The following PAM variants were observed in gnomAD, a reference collection of about 807,000 sequenced individuals.
PAM encodes the protein peptidyl-glycine alpha-amidating monooxygenase.
Under a neutral mutation model 122.1 loss-of-function variants are expected in PAM, and 72 were observed. That is an observed-to-expected ratio of 0.59 (90% CI 0.49 to 0.72). PAM has a LOEUF of 0.72. Ranked by LOEUF, PAM falls within the 30% of genes least tolerant of loss-of-function variation. PAM has a pLI of 0.00. For missense variants in PAM, 1,106 were observed against 1,183.7 expected, an observed-to-expected ratio of 0.93 and a Z score of 0.96; for synonymous variants, 389 against 404.4, an observed-to-expected ratio of 0.96 and a Z score of 0.46.
chr5:102,851,315 A>T (rs1781312073), intron 1 of PAM, among the ~76,000 whole-genome samples: 2 of 152,190 alleles, frequency 1.3e-5, no homozygotes. Context: ...TTTTAATGGT[A>T]TCTCATTTGG....
At chr5:102,986,874 T>TC (rs1377720376) in intron 15 of PAM, among the ~76,000 whole-genome samples, 1 of 152,198 alleles carries the variant, frequency 6.6e-6, no homozygotes, top group African/African-American at 2.4e-5. Context: ...TGCCAGCATA[T>TC]AAGACATGCC....
intron 3 of PAM, among the ~76,000 whole-genome samples, chr5:102,901,046 A>T (rs978796103): frequency 6.6e-6 from 1 of 151,580 alleles, no homozygotes; most frequent in African/African-American, 2.4e-5. Context: ...CAAATGCATT[A>T]AATTGTTCTA....
intron 1 of PAM, among the ~76,000 whole-genome samples, chr5:102,793,135 T>A (rs936519449): frequency 6.6e-6 from 1 of 152,180 alleles, no homozygotes; most frequent in Non-Finnish European, 1.5e-5. Flanking sequence ...ATGTGTGAAT[T>A]TTTTATAGAA....
At chr5:102,802,973 A>C (rs1765169203) in intron 1 of PAM, among the ~76,000 whole-genome samples, 1 of 152,110 alleles carries the variant, frequency 6.6e-6, no homozygotes, top group Admixed American at 6.5e-5. Context: ...AACATTAAAA[A>C]ATTGCCAGGT....
chr5:103,009,862 G>C lies in PAM; in HGVS notation c.2327G>C (p.Arg776Pro). 1 of 1,546,522 alleles carries C rather than the reference G, an allele frequency of 6.5e-7. No homozygotes were observed. The change falls in exon 21 of 26, where the codon CGC (arginine) becomes CCC (proline). Residue 776 changes from arginine (R) to proline (P), a missense_variant. Arg to Pro is a moderately radical substitution (Grantham distance 103). Transcript: ENST00000438793. ...ATTATAGACATCTTCAAGCCAGTGC[G>C]CAAGGTATTTACACACATTGTCTAG... ...GEIIDIFKPVRKHFDMPHDIV... is the reference protein window; with the variant it reads ...GEIIDIFKPVPKHFDMPHDIV...
At chr5:102,917,283 T>C (rs1027222703) in intron 5 of PAM, among the ~76,000 whole-genome samples, 2 of 152,156 alleles carry the variant, frequency 1.3e-5, no homozygotes, top group African/African-American at 2.4e-5. Context: ...ACAACAAAAA[T>C]CTATCAGTGT....
chr5:102,838,741 C>T (rs957436060), intron 1 of PAM, among the ~76,000 whole-genome samples: 1 of 152,104 alleles, frequency 6.6e-6, no homozygotes, highest in East Asian at 1.9e-4. Context: ...GAGTTAGTTT[C>T]TCTTCATATT....
At chr5:102,791,185 A>T in intron 1 of PAM, among the ~76,000 whole-genome samples, 1 of 152,226 alleles carries the variant, frequency 6.6e-6, no homozygotes, top group East Asian at 1.9e-4. Flanking sequence ...TGATGAAAAT[A>T]CTTTTAGATT....
At chr5:102,824,040 A>G (rs1308386977) in intron 1 of PAM, among the ~76,000 whole-genome samples, 2 of 152,216 alleles carry the variant, frequency 1.3e-5, no homozygotes, top group Non-Finnish European at 2.9e-5. Context: ...AAATGGAAAC[A>G]TGTAAGATGA....
intron 14 of PAM, among the ~76,000 whole-genome samples, chr5:102,969,665 A>G (rs545806579): frequency 6.6e-6 from 1 of 152,358 alleles, no homozygotes; most frequent in East Asian, 1.9e-4. Flanking sequence ...CATCACTAAG[A>G]GAGACACTAT....
rs189579486 is a variant in PAM at position 102,761,817 on chromosome 5, A to C, written c.-374+6469A>C. ...TTTTGAATAGCATGATAATTGTTGCATGTAACTGGAGGCTTCTATAGTGTT... is the reference window on the plus strand; with the variant it reads ...TTTTGAATAGCATGATAATTGTTGCCTGTAACTGGAGGCTTCTATAGTGTT... On this transcript the variant is annotated intron_variant, in intron 1 of 25. Transcript: ENST00000438793. Among the ~76,000 whole-genome samples the C allele has an allele frequency of 1.3e-3, 201 of 152,368 alleles. 2 individuals are homozygous for C. The highest frequency in any genetic ancestry group is 9.1e-3 in the South Asian group (44 of 4,830).
At chr5:102,937,150 A>C (rs987900251) in intron 7 of PAM, among the ~76,000 whole-genome samples, 4 of 152,170 alleles carry the variant, frequency 2.6e-5, no homozygotes, top group African/African-American at 9.7e-5. Flanking sequence ...AAAATTCTTT[A>C]ATAGAAGCCA....
intron 1 of PAM, among the ~76,000 whole-genome samples, chr5:102,856,747 T>C (rs1214656991): frequency 2.0e-5 from 3 of 152,168 alleles, no homozygotes; most frequent in Admixed American, 2.0e-4. Context: ...CTTATTGCAG[T>C]AGAATCATAT....
intron 7 of PAM, among the ~76,000 whole-genome samples, chr5:102,940,958 A>G (rs1167447667): frequency 6.6e-6 from 1 of 152,200 alleles, no homozygotes; most frequent in Admixed American, 6.5e-5. Context: ...TTAGCACTGT[A>G]CTTTAAAAAA....
chr5:102,889,161 C>G (rs765066613), intron 3 of PAM, among the ~76,000 whole-genome samples: 1 of 151,906 alleles, frequency 6.6e-6, no homozygotes, highest in African/African-American at 2.4e-5. Flanking sequence ...TCAGCCTGCT[C>G]CACGCTCCAG....
chr5:102,814,800 A>G (rs1373500301), intron 1 of PAM, among the ~76,000 whole-genome samples: 1 of 151,938 alleles, frequency 6.6e-6, no homozygotes, highest in Non-Finnish European at 1.5e-5. Flanking sequence ...ATCTGCAGTT[A>G]TTCCATTAAG....
In PAM at chr5:102,913,423, T is replaced by G. The variant is rs561018390; in HGVS notation, c.269-511T>G. Among the ~76,000 whole-genome samples the G allele has an allele frequency of 7.2e-5, 11 of 152,134 alleles. No individual in the cohort carries two copies. In the South Asian group the frequency reaches 2.3e-3, roughly 32 times the overall value. On this transcript the variant is annotated intron_variant, in intron 4 of 25. Coordinates refer to ENST00000438793, the MANE Select transcript of PAM (RefSeq NM_001177306.2). ...TACATTTTCCACTTTTATTTTTCTTTCCTGGTAAATTGCTTCTTCATATAC... is the reference window on the plus strand; with the variant it reads ...TACATTTTCCACTTTTATTTTTCTTGCCTGGTAAATTGCTTCTTCATATAC...
intron 1 of PAM, among the ~76,000 whole-genome samples, chr5:102,843,385 CA>C (rs775262381): frequency 1.3e-5 from 2 of 152,012 alleles, no homozygotes; most frequent in Non-Finnish European, 2.9e-5. Flanking sequence ...AAATAGATCA[CA>C]GAGTTAAATG....
intron 21 of PAM, among the ~76,000 whole-genome samples, 192 bp from the exon 22 acceptor site, chr5:103,017,142 A>G (rs547468536): frequency 6.6e-6 from 1 of 152,312 alleles, no homozygotes; most frequent in East Asian, 1.9e-4. Flanking sequence ...TGCCTGGAAG[A>G]GTCAGTACCC....
Sources: allele counts gnomAD v4.1 joint callset (sites outside exome capture counted in the v4.1 genomes callset), GRCh38; gene constraint gnomAD v4.1.1; transcripts MANE v1.5; gene names NCBI Gene and HGNC (gene_info 2026-07-23, HGNC 2026-07-21).